SLC2A2: variants seen among roughly 807,000 people sequenced by gnomAD.
SLC2A2 encodes solute carrier family 2, facilitated glucose transporter member 2.
In SLC2A2, 36 loss-of-function variants were observed where a neutral mutation model predicts 54.5. The observed-to-expected ratio is 0.66, with a 90% CI of 0.51 to 0.87. The LOEUF is 0.87. Ranked by LOEUF, SLC2A2 falls within the 40% of genes least tolerant of loss-of-function variation. SLC2A2 has a pLI of 0.00. For synonymous variants in SLC2A2, 223 were observed against 219.1 expected (o/e 1.02, Z -0.16); for missense variants, 543 against 624.3 (o/e 0.87, Z 1.39).
At chr3:171,023,286 C>A (rs1345165618) in intron 1 of SLC2A2, among the ~76,000 whole-genome samples, 1 of 152,150 alleles carries the variant, frequency 6.6e-6, no homozygotes, top group Non-Finnish European at 1.5e-5. Context: ...AAGTGATTAT[C>A]CCAAATATCA....
At chr3:171,013,300 AT>A (rs1338554808) in intron 3 of SLC2A2, among the ~76,000 whole-genome samples, 2 of 152,078 alleles carry the variant, frequency 1.3e-5, no homozygotes, top group Non-Finnish European at 2.9e-5. Context: ...TTATTTTTGA[AT>A]TTTTTTAAAT....
chr3:171,026,708 G>C lies in SLC2A2; in HGVS notation c.-38C>G, dbSNP rs1442794230. On this transcript the variant is annotated 5_prime_UTR_variant, in exon 1 of 11. Coordinates refer to ENST00000314251, the MANE Select transcript of SLC2A2 (RefSeq NM_000340.2). The stretch of plus-strand genomic sequence containing the variant: ...GAGTCCTGTCAATTCCAGGTCTTGT[G>C]TGAGTGTGGCACATGCACCTGACTA... 19 of 1,603,604 alleles carry C rather than the reference G, an allele frequency of 1.2e-5. No homozygotes were observed. Among genetic ancestry groups the C allele is most frequent in the Non-Finnish European group, 1.5e-5 (18 of 1,170,346 alleles).
At chr3:171,000,956 A>T (rs1198930367) in intron 8 of SLC2A2, among the ~76,000 whole-genome samples, 1 of 152,060 alleles carries the variant, frequency 6.6e-6, no homozygotes, top group Non-Finnish European at 1.5e-5. Context: ...AAAATTTTAA[A>T]TGTGATCTGT....
chr3:171,018,571 T>G lies in SLC2A2; in HGVS notation c.68A>C (p.Gln23Pro). The change falls in exon 2 of 11, where the codon CAG (glutamine) becomes CCG (proline). Residue 23 changes from glutamine to proline, a missense_variant. Coordinates refer to ENST00000314251, the MANE Select transcript of SLC2A2 (RefSeq NM_000340.2). ...GATCACACCAATGTCATATCCAAAC[T>G]GGAAGGAACCCAGCACAGCAGTGAT... The part of the protein sequence containing the change: ...TVITAVLGSF[Q>P]FGYDIGVINA... 1 of 1,614,012 alleles carries G rather than the reference T, an allele frequency of 6.2e-7. No homozygotes were observed.
chr3:171,007,303 G>T, intron 4 of SLC2A2, 40 bp from the exon 5 acceptor site: 1 of 1,182,400 alleles, frequency 8.5e-7, no homozygotes, highest in Non-Finnish European at 1.3e-6. Flanking sequence ...GTGCAACCAG[G>T]ACTATCTCAA....
chr3:171,001,680 ACT>A (rs972949156), intron 8 of SLC2A2, among the ~76,000 whole-genome samples: 26 of 151,668 alleles, frequency 1.7e-4, no homozygotes, highest in African/African-American at 5.1e-4. Context: ...AAGCTCAATG[ACT>A]CTCATTCTAC....
chr3:170,996,509 G>C lies in SLC2A2; in HGVS notation c.*1394C>G, dbSNP rs1715082454. On this transcript the variant is annotated 3_prime_UTR_variant, in exon 11 of 11. Transcript: ENST00000314251. Reference sequence around the variant, plus strand: ...TACACATTAAAGCAAACATAAGAAGGATTGATCAGTGCTCCAGTTGGTGGA... The same window carrying C: ...TACACATTAAAGCAAACATAAGAAGCATTGATCAGTGCTCCAGTTGGTGGA... 4.0e-5 allele frequency: 16 copies of C among 396,908 alleles called. No individual in the cohort carries two copies. Among genetic ancestry groups the C allele is most frequent in the Non-Finnish European group, 4.4e-6 (1 of 224,952 alleles). The allele number at this position is 396,908 out of a possible 1,614,324, so 24.6% of individuals were successfully genotyped here. A position where few individuals can be genotyped will look rare whatever the true frequency, so the allele number is the denominator to read the frequency against.
chr3:171,016,651 G>A (rs1372643080), intron 2 of SLC2A2, among the ~76,000 whole-genome samples: 1 of 127,276 alleles, frequency 7.9e-6, no homozygotes, highest in African/African-American at 3.7e-5. Flanking sequence ...TTAAAAAAAG[G>A]CTTAAAAAAT....
In SLC2A2 at chr3:170,998,221, A is replaced by G. The variant is rs761784655; in HGVS notation, c.1346T>C (p.Ile449Thr). Residue 449 changes from isoleucine (I) to threonine (T), a missense_variant, in exon 10 of 11, where the codon ATT becomes ACT. By Grantham distance (89) the Ile-to-Thr change is moderately conservative. Coordinates refer to ENST00000314251, the MANE Select transcript of SLC2A2 (RefSeq NM_000340.2). Reference protein sequence around the residue: ...AAFSNWTCNFIVALCFQYIAD... With the variant: ...AAFSNWTCNFTVALCFQYIAD... ...AATGTACTGGAAACACAGAGCTACA[A>G]TGAAATTGCAGGTCCAATTGCTGAA... 7.4e-6 allele frequency: 12 copies of G among 1,613,692 alleles called. No homozygotes were observed. Among genetic ancestry groups the G allele is most frequent in the South Asian group, 2.2e-5 (2 of 91,088 alleles).
rs752687355 is a variant in SLC2A2 at position 170,997,913 on chromosome 3, T to C, written c.1565A>G (p.Glu522Gly). The C allele has an allele frequency of 5.7e-5, 92 of 1,612,464 alleles. No individual in the cohort carries two copies. Among genetic ancestry groups the C allele is most frequent in the Non-Finnish European group, 7.7e-5 (91 of 1,179,180 alleles). The change falls in exon 11 of 11, where the codon GAG becomes GGG. Residue 522 changes from glutamate (E) to glycine (G), a missense_variant. Around this residue, in one of 3 missense-constraint regions of SLC2A2, gnomAD observed 108 missense variants for 101.3 expected, o/e 1.07. Transcript: ENST00000314251. ...AGCAGGGTTTTTTTTTTACACAGTC[T>C]CTGTAGCTCCTAGGAATTTCATTTC... ...AVEMKFLGAT[E>G]TV is the part of the protein sequence containing the mutation.
intron 1 of SLC2A2, among the ~76,000 whole-genome samples, chr3:171,020,671 C>A (rs1716417029): frequency 6.6e-6 from 1 of 151,922 alleles, no homozygotes. Context: ...TGGCTTGAGC[C>A]TAAGAGTTCG....
At chr3:171,023,755 G>A (rs1312812821) in intron 1 of SLC2A2, among the ~76,000 whole-genome samples, 1 of 152,172 alleles carries the variant, frequency 6.6e-6, no homozygotes, top group Non-Finnish European at 1.5e-5. Context: ...CACATGGAAA[G>A]AGTAAACAGC....
intron 7 of SLC2A2, among the ~76,000 whole-genome samples, chr3:171,003,414 A>G (rs1417865919): frequency 7.1e-6 from 1 of 140,022 alleles, no homozygotes; most frequent in Non-Finnish European, 1.5e-5. Flanking sequence ...ACTCAACTCT[A>G]GAAGCCACTT....
chr3:171,015,366 G>A (rs879777404), intron 2 of SLC2A2, among the ~76,000 whole-genome samples: 1 of 152,082 alleles, frequency 6.6e-6, no homozygotes, highest in South Asian at 2.1e-4. Flanking sequence ...GCTACTTGGA[G>A]GGGGCTGAAG....
At chr3:171,001,566 G>C (rs1190849649) in intron 8 of SLC2A2, among the ~76,000 whole-genome samples, 1 of 151,892 alleles carries the variant, frequency 6.6e-6, no homozygotes, top group East Asian at 1.9e-4. Flanking sequence ...CATGTGCAGA[G>C]AATAAAAAAC....
At chr3:171,009,262 C>A (rs976175418) in intron 4 of SLC2A2, among the ~76,000 whole-genome samples, 2 of 152,092 alleles carry the variant, frequency 1.3e-5, no homozygotes, top group African/African-American at 4.8e-5. Flanking sequence ...CTAGCGATTC[C>A]CACTATTCAG....
Position 170,996,722 on chromosome 3 carries a change from T to C in SLC2A2, c.*1181A>G. ...GTGTTAGTAATGGCCATAGAATAGT[T>C]TGGCTAGAATCTGTATACAGCTAAG... On this transcript the variant is annotated 3_prime_UTR_variant, in exon 11 of 11. Coordinates refer to ENST00000314251, the MANE Select transcript of SLC2A2 (RefSeq NM_000340.2). 2.5e-6 allele frequency: 1 copy of C among 397,600 alleles called. No homozygotes were observed. Among genetic ancestry groups the C allele is most frequent in the Non-Finnish European group, 4.4e-6 (1 of 225,330 alleles). The allele number at this position is 397,600 out of a possible 1,614,324, so 24.6% of individuals were successfully genotyped here.
At chr3:171,000,921 A>G (rs1715305462) in intron 8 of SLC2A2, among the ~76,000 whole-genome samples, 1 of 152,042 alleles carries the variant, frequency 6.6e-6, no homozygotes, top group African/African-American at 2.4e-5. Context: ...ACTTTAAAAC[A>G]ATGTTTCAAA....
intron 1 of SLC2A2, among the ~76,000 whole-genome samples, chr3:171,020,073 C>CTCTTA (rs1363598831): frequency 1.3e-5 from 2 of 152,152 alleles, no homozygotes; most frequent in African/African-American, 4.8e-5. Flanking sequence ...AGTTCTCACT[C>CTCTTA]TCTTAGTAGG....
Sources: allele counts gnomAD v4.1 joint callset (sites outside exome capture counted in the v4.1 genomes callset), GRCh38; gene constraint gnomAD v4.1.1; regional missense constraint gnomAD v4.1.1; transcripts MANE v1.5; gene names NCBI Gene and HGNC (gene_info 2026-07-23, HGNC 2026-07-21).